Variants in ZNF592 observed in about 807,000 individuals in gnomAD.
The protein encoded by ZNF592 is spinocerebellar ataxia, autosomal recessive 5.
Under a neutral mutation model 80.3 loss-of-function variants are expected in ZNF592, and 11 were observed. The observed-to-expected ratio is 0.14, with a 90% CI of 0.09 to 0.23. The LOEUF (loss-of-function observed/expected upper bound fraction) is 0.23. ZNF592 is among the 10% of genes least tolerant of loss of function. ZNF592 has a pLI of 1.00. For missense variants in ZNF592, 1,420 were observed against 1,633.9 expected (o/e 0.87, Z 2.26); for synonymous variants, 646 against 640.3 (o/e 1.01, Z -0.13).
intron 1 of ZNF592, among the ~76,000 whole-genome samples, chr15:84,758,329 C>T (rs543898519): frequency 6.6e-6 from 1 of 152,186 alleles, no homozygotes; most frequent in Non-Finnish European, 1.5e-5. Flanking sequence ...GTTGTCTAGA[C>T]TGTAGTGCAG....
intron 1 of ZNF592, among the ~76,000 whole-genome samples, chr15:84,763,525 C>T (rs765699788): frequency 5.9e-5 from 9 of 152,150 alleles, no homozygotes; most frequent in Non-Finnish European, 1.2e-4. Flanking sequence ...CTTTTGTCCT[C>T]ATTTGGACAG....
rs1213679621 is a variant in ZNF592, at chr15:84,802,159, G to A, written c.3570G>A (p.Ala1190=). Residue 1190 remains alanine (A), a synonymous_variant, in exon 11 of 11, where the codon GCG becomes GCA. Coordinates refer to ENST00000560079, the MANE Select transcript of ZNF592 (RefSeq NM_014630.3). ...DQEEEEEEEA[A]AAEMAVEVAE... ...AGGAGGAGGAGGAAGAGGAGGCGGC[G>A]GCAGCGGAGATGGCAGTGGAGGTGG... 1.6e-5 allele frequency: 25 copies of A among 1,603,796 alleles called. No homozygotes were observed. The highest frequency in any genetic ancestry group is 3.4e-5 in the Admixed American group (2 of 59,586).
chr15:84,761,069 T>C (rs1212712909), intron 1 of ZNF592, among the ~76,000 whole-genome samples: 1 of 152,096 alleles, frequency 6.6e-6, no homozygotes, highest in Non-Finnish European at 1.5e-5. Context: ...ATTCAAGCAA[T>C]TCTCTTGCCT....
intron 1 of ZNF592, among the ~76,000 whole-genome samples, chr15:84,760,009 T>C (rs1899303164): frequency 7.0e-6 from 1 of 142,176 alleles, no homozygotes; most frequent in Admixed American, 7.5e-5. Context: ...TTTAGAAAAT[T>C]TGGGAACAAT....
Position 84,753,793 on chromosome 15 carries a change from A to G in ZNF592, c.-259+5129A>G, listed in dbSNP as rs1899083312. On this transcript the variant is annotated intron_variant, in intron 1 of 10. Coordinates refer to ENST00000560079, the MANE Select transcript of ZNF592 (RefSeq NM_014630.3). ...TGGCCTTATTCCTATCTTTACATGT[A>G]AGTTTGTTTAAACTTTTCTTAAAAA... Among the ~76,000 whole-genome samples, 4 of 152,108 alleles carry G rather than the reference A, an allele frequency of 2.6e-5. No individual in the cohort carries two copies. The South Asian group carries it at 8.3e-4, about 32-fold the overall frequency.
At chr15:84,774,961 A>G (rs2141977677) in intron 2 of ZNF592, among the ~76,000 whole-genome samples, 1 of 151,894 alleles carries the variant, frequency 6.6e-6, no homozygotes, top group East Asian at 1.9e-4. Context: ...TTGTATTTTT[A>G]GTAGGGACAG....
chr15:84,765,131 G>A (rs889712010), intron 2 of ZNF592, among the ~76,000 whole-genome samples: 5 of 152,068 alleles, frequency 3.3e-5, no homozygotes, highest in African/African-American at 1.2e-4. Flanking sequence ...CTATGAATTT[G>A]CCTACTCTAG....
chr15:84,796,189 T>G (rs1041562052), intron 5 of ZNF592, among the ~76,000 whole-genome samples: 1 of 125,674 alleles, frequency 8.0e-6, no homozygotes, highest in Non-Finnish European at 1.6e-5. Context: ...ACCACTGCAC[T>G]CCAATCTGGG....
intron 3 of ZNF592, among the ~76,000 whole-genome samples, chr15:84,780,820 A>G (rs1962398630): frequency 6.6e-6 from 1 of 152,150 alleles, no homozygotes; most frequent in African/African-American, 2.4e-5. Context: ...AAATTATAAA[A>G]GCAATCTATC....
Position 84,778,277 on chromosome 15 carries a change from A to G in ZNF592, c.-55A>G. 2 of 286,634 alleles carry G rather than the reference A, an allele frequency of 7.0e-6. No homozygotes were observed. The highest frequency in any genetic ancestry group is 4.1e-5 in the Admixed American group (1 of 24,170). The allele number at this position is 286,634 out of a possible 1,614,324, so 17.8% of individuals were successfully genotyped here. On this transcript the variant is annotated 5_prime_UTR_variant, in exon 3 of 11. Transcript: ENST00000560079. ...GAGGGAGGGGGGGCTCCAAAGCCGA[A>G]AGAGGAGGTCCCTACCTGCCACGGA... is the stretch of plus-strand genomic sequence containing the variant.
In ZNF592 at chr15:84,786,968, A is replaced by C. The variant is rs181003787; in HGVS notation, c.2220+2073A>C. Among the ~76,000 whole-genome samples the C allele has an allele frequency of 4.1e-3, 598 of 147,534 alleles. 3 individuals carry two copies. Among genetic ancestry groups the C allele is most frequent in the African/African-American group, 0.014 (568 of 39,566 alleles). On this transcript the variant is annotated intron_variant, in intron 4 of 10. Coordinates refer to ENST00000560079, the MANE Select transcript of ZNF592 (RefSeq NM_014630.3). Reference sequence around the variant, plus strand: ...TGGGTTCAAGTGATTCTCCTGCCTCAGCTTCCTGAGTAGCTGCGACTACAG... The same window carrying C: ...TGGGTTCAAGTGATTCTCCTGCCTCCGCTTCCTGAGTAGCTGCGACTACAG...
intron 2 of ZNF592, among the ~76,000 whole-genome samples, chr15:84,773,527 T>G (rs1417964499): frequency 6.6e-6 from 1 of 152,166 alleles, no homozygotes; most frequent in East Asian, 1.9e-4. Flanking sequence ...AGGGGTTTAA[T>G]TCTCTTAGTA....
chr15:84,793,810 G>A (rs1265716542), intron 5 of ZNF592, among the ~76,000 whole-genome samples: 2 of 152,196 alleles, frequency 1.3e-5, no homozygotes, highest in Non-Finnish European at 2.9e-5. Flanking sequence ...GTTCATCCAT[G>A]TTGTAGCATA....
At chr15:84,761,953 G>C (rs557512609) in intron 1 of ZNF592, among the ~76,000 whole-genome samples, 1 of 152,290 alleles carries the variant, frequency 6.6e-6, no homozygotes, top group South Asian at 2.1e-4. Context: ...AATGGTTTCT[G>C]TTTCATTAGG....
chr15:84,749,349 G>T (rs1220172558), intron 1 of ZNF592, among the ~76,000 whole-genome samples: 2 of 152,228 alleles, frequency 1.3e-5, no homozygotes, highest in African/African-American at 4.8e-5. Context: ...GAGAGCGTCT[G>T]CTGGACAGAT....
intron 5 of ZNF592, 133 bp downstream of exon 5, chr15:84,791,016 G>T: frequency 1.0e-6 from 1 of 971,938 alleles, no homozygotes; most frequent in Non-Finnish European, 1.6e-6. Context: ...GCATTGGATG[G>T]TATGTGGACA....
At chr15:84,782,044 G>T (rs1251301052) in intron 3 of ZNF592, among the ~76,000 whole-genome samples, 1 of 152,184 alleles carries the variant, frequency 6.6e-6, no homozygotes, top group Non-Finnish European at 1.5e-5. Context: ...ACTGATAACA[G>T]TTTTAGGGTG....
intron 10 of ZNF592, among the ~76,000 whole-genome samples, chr15:84,801,146 C>T (rs1963084398): frequency 6.6e-6 from 1 of 152,182 alleles, no homozygotes; most frequent in African/African-American, 2.4e-5. Context: ...CATTGGGAGA[C>T]TCTGTCTCTA....
At chr15:84,773,298 G>C (rs999221749) in intron 2 of ZNF592, among the ~76,000 whole-genome samples, 3 of 147,980 alleles carry the variant, frequency 2.0e-5, no homozygotes, top group African/African-American at 7.4e-5. Context: ...TGCAAGCTCC[G>C]CCTCCCGGGT....
Sources: allele counts gnomAD v4.1 joint callset (sites outside exome capture counted in the v4.1 genomes callset), GRCh38; gene constraint gnomAD v4.1.1; transcripts MANE v1.5; gene names NCBI Gene and HGNC (gene_info 2026-07-23, HGNC 2026-07-21).